Variants in GNA12 observed in about 807,000 individuals in gnomAD.
GNA12 encodes G protein subunit alpha 12, also known as guanine nucleotide-binding protein subunit alpha-12.
GNA12 carries 9 observed loss-of-function variants against 26.0 expected under a neutral mutation model. That is an observed-to-expected ratio of 0.35 (90% CI 0.21 to 0.60). The LOEUF (loss-of-function observed/expected upper bound fraction) is 0.60. Among genes scored for constraint, GNA12 ranks in the 20% least tolerant of loss-of-function variants. The pLI, the probability that GNA12 is intolerant of heterozygous loss-of-function variation, is 0.78. For synonymous variants in GNA12, 264 were observed against 219.6 expected, an observed-to-expected ratio of 1.20 and a Z score of -1.79; for missense variants, 405 against 525.8, an observed-to-expected ratio of 0.77 and a Z score of 2.25.
At chr7:2,741,252 G>A (rs1395548536) in intron 2 of GNA12, among the ~76,000 whole-genome samples, 3 of 152,058 alleles carry the variant, frequency 2.0e-5, no homozygotes, top group Non-Finnish European at 4.4e-5. Context: ...CTACCTGGGA[G>A]GCTGAGGTGG....
At chr7:2,818,029 T>C (rs942115683) in intron 1 of GNA12, among the ~76,000 whole-genome samples, 6 of 152,234 alleles carry the variant, frequency 3.9e-5, no homozygotes, top group Non-Finnish European at 7.3e-5. Flanking sequence ...TTGCTCTTAA[T>C]GTTTCAAGTG....
At chr7:2,815,759 CTG>C (rs1279236905) in intron 1 of GNA12, among the ~76,000 whole-genome samples, 6 of 152,228 alleles carry the variant, frequency 3.9e-5, no homozygotes. Context: ...TTCTACAAAT[CTG>C]TGAGCACAAG....
chr7:2,733,842 G>A, intron 2 of GNA12, among the ~76,000 whole-genome samples: 1 of 152,208 alleles, frequency 6.6e-6, no homozygotes, highest in Non-Finnish European at 1.5e-5. Flanking sequence ...CATGCGGCCA[G>A]CAAAGGACAG....
intron 2 of GNA12, among the ~76,000 whole-genome samples, chr7:2,780,048 G>GTATATATATATATATATA (rs1554259618): frequency 1.4e-4 from 12 of 84,726 alleles, no homozygotes; most frequent in African/African-American, 6.3e-4. Context: ...ACATTTCTGT[G>GTATATATATATATATATA]TACATATATA....
chr7:2,783,622 T>A (rs1303454768), intron 2 of GNA12, among the ~76,000 whole-genome samples: 3 of 151,780 alleles, frequency 2.0e-5, no homozygotes, highest in Admixed American at 6.6e-5. Context: ...TGCTTTACAA[T>A]CCTGTCAGTG....
chr7:2,734,337 A>G (rs142212355), intron 2 of GNA12, among the ~76,000 whole-genome samples: 1,533 of 152,258 alleles, frequency 0.01, 14 homozygotes, highest in Admixed American at 0.019. Flanking sequence ...ACCACTTTCT[A>G]TAAGATTCCA....
chr7:2,765,207 G>C (rs1167202173), intron 2 of GNA12: 1 of 151,728 alleles, frequency 6.6e-6, no homozygotes, highest in Non-Finnish European at 1.5e-5. Context: ...GAGTGTGGTG[G>C]CGCAATCTCG....
chr7:2,734,148 C>G (rs937713281), intron 2 of GNA12, among the ~76,000 whole-genome samples: 2 of 152,138 alleles, frequency 1.3e-5, no homozygotes, highest in African/African-American at 4.8e-5. Context: ...TTCCATAGTG[C>G]GAAGGGCCCT....
At chr7:2,781,938 A>C (rs1792240146) in intron 2 of GNA12, among the ~76,000 whole-genome samples, 1 of 152,226 alleles carries the variant, frequency 6.6e-6, no homozygotes. Flanking sequence ...AATCAAAGTG[A>C]TGTGTTCCTG....
At chr7:2,833,675 C>T (rs371897059) in intron 1 of GNA12, among the ~76,000 whole-genome samples, 3 of 152,226 alleles carry the variant, frequency 2.0e-5, no homozygotes, top group East Asian at 1.9e-4. Flanking sequence ...GGACCAACCC[C>T]GTATGTCAAA....
intron 2 of GNA12, among the ~76,000 whole-genome samples, chr7:2,774,892 G>C (rs1272643084): frequency 6.6e-6 from 1 of 152,180 alleles, no homozygotes; most frequent in Non-Finnish European, 1.5e-5. Flanking sequence ...ATGCACAGTG[G>C]TTGGCACAGC....
At chr7:2,755,138 C>A (rs996310980) in intron 2 of GNA12, among the ~76,000 whole-genome samples, 1 of 152,202 alleles carries the variant, frequency 6.6e-6, no homozygotes, top group South Asian at 2.1e-4. Context: ...TCTCTCCCTG[C>A]GCCAGCACCA....
chr7:2,772,079 G>A (rs886184135), intron 2 of GNA12, among the ~76,000 whole-genome samples: 1 of 152,168 alleles, frequency 6.6e-6, no homozygotes, highest in African/African-American at 2.4e-5. Context: ...TCTCTTCTTT[G>A]TTCAAATCTT....
chr7:2,737,306 T>TG (rs1790256901), intron 2 of GNA12, among the ~76,000 whole-genome samples: 12 of 127,546 alleles, frequency 9.4e-5, no homozygotes, highest in Admixed American at 1.9e-4. Context: ...TTTTTTTTTT[T>TG]GAGATGGAGT....
chr7:2,762,827 A>C (rs1239863488), intron 2 of GNA12: 1 of 1,514,292 alleles, frequency 6.6e-7, no homozygotes, highest in Non-Finnish European at 8.9e-7. Flanking sequence ...TCCGCCACAC[A>C]CCCAGTCAGC....
chr7:2,740,772 C>T (rs558385172), intron 2 of GNA12, among the ~76,000 whole-genome samples: 8 of 152,302 alleles, frequency 5.3e-5, no homozygotes, highest in African/African-American at 1.4e-4. Context: ...GGGCTCGCCG[C>T]GGTGACTCAT....
rs994064452 is a variant in GNA12, at chr7:2,749,067, T to G, written c.526-15566A>C. ...AACACTTTTACACTGTTGGTGGGAC[T>G]GTAAACTAGTTCAACCATTGTGGAA... On this transcript the variant is annotated intron_variant, in intron 2 of 3. Coordinates refer to ENST00000275364, the MANE Select transcript of GNA12 (RefSeq NM_007353.3). 4.6e-5 allele frequency among the ~76,000 whole-genome samples: 7 copies of G among 152,292 alleles called. No homozygotes were observed. In the East Asian group the frequency reaches 5.8e-4, roughly 13 times the overall value.
chr7:2,791,773 G>T (rs17132714), intron 2 of GNA12, among the ~76,000 whole-genome samples: 5,666 of 152,246 alleles, frequency 0.037, 256 homozygotes, highest in African/African-American at 0.11. Context: ...GATGGGTATG[G>T]TCTTTCAGTT....
chr7:2,822,638 G>A (rs528655625), intron 1 of GNA12, among the ~76,000 whole-genome samples: 1 of 152,132 alleles, frequency 6.6e-6, no homozygotes, highest in Non-Finnish European at 1.5e-5. Context: ...GGGCAACATA[G>A]TGAGTCCTTG....
Sources: gnomAD v4.1 joint callset for allele counts (sites outside exome capture counted in the v4.1 genomes callset) on GRCh38, gnomAD v4.1.1 for gene constraint, MANE v1.5 for transcripts, NCBI Gene and HGNC (gene_info 2026-07-23, HGNC 2026-07-21) for gene names.